TTC33: variants seen among roughly 807,000 people sequenced by gnomAD.
TTC33 encodes tetratricopeptide repeat protein 33.
In TTC33, 24 loss-of-function variants were observed where a neutral mutation model predicts 29.4. The observed-to-expected ratio is 0.82, with a 90% CI of 0.59 to 1.15. The LOEUF is 1.15. Ranked by LOEUF, TTC33 falls within the 50% of genes most tolerant of loss-of-function variation. The probability of loss-of-function intolerance (pLI) is 0.00; values close to 1 mark genes in which losing one functional copy is unlikely to be tolerated. For synonymous variants in TTC33, 107 were observed against 100.3 expected, an observed-to-expected ratio of 1.07 and a Z score of -0.40; for missense variants, 286 against 310.4, an observed-to-expected ratio of 0.92 and a Z score of 0.59.
At chr5:40,731,595 A>G (rs916491805) in intron 2 of TTC33, among the ~76,000 whole-genome samples, 1 of 152,214 alleles carries the variant, frequency 6.6e-6, no homozygotes, top group Non-Finnish European at 1.5e-5. Context: ...TTATAAATCC[A>G]TAAGATCTCG....
chr5:40,729,353 C>T (rs751147780), intron 3 of TTC33, among the ~76,000 whole-genome samples: 2 of 152,152 alleles, frequency 1.3e-5, no homozygotes, highest in African/African-American at 2.4e-5. Flanking sequence ...GGCTGAATTG[C>T]AACAATTCCC....
At position 40,711,958 on chromosome 5, in the gene TTC33, G is replaced by A. The variant is rs1561139607; in HGVS notation, c.*4187C>T. Reference sequence around the variant, plus strand: ...CAAAAGGGCTTTAGAGAACTTTTTGGGTGATGGACACACACTATATCAGGA... The same window carrying A: ...CAAAAGGGCTTTAGAGAACTTTTTGAGTGATGGACACACACTATATCAGGA... On this transcript the variant is annotated 3_prime_UTR_variant, in exon 5 of 5. Coordinates refer to ENST00000337702, the MANE Select transcript of TTC33 (RefSeq NM_012382.3). Among the ~76,000 whole-genome samples the A allele has an allele frequency of 6.6e-6, 1 of 152,074 alleles. No homozygotes were observed. Among genetic ancestry groups the A allele is most frequent in the African/African-American group, 2.4e-5 (1 of 41,412 alleles).
Position 40,746,810 on chromosome 5 carries a change from G to T in TTC33, c.209C>A (p.Ala70Asp). Reference protein sequence around the residue: ...KQLKDEGASLAENKRYREAIQ... With the variant: ...KQLKDEGASLDENKRYREAIQ... ...TTTAAATACATACCTTTTATTTTCA[G>T]CCAAACTGGCTCCTTCATCCTTCAG... Residue 70 changes from alanine (A) to aspartate (D), a missense_variant, in exon 2 of 5, where the codon GCT becomes GAT. Coordinates refer to ENST00000337702, the MANE Select transcript of TTC33 (RefSeq NM_012382.3). 2 of 1,609,542 alleles carry T rather than the reference G, an allele frequency of 1.2e-6. No homozygotes were observed. Among genetic ancestry groups the T allele is most frequent in the East Asian group, 2.2e-5 (1 of 44,846 alleles).
intron 2 of TTC33, among the ~76,000 whole-genome samples, chr5:40,735,408 C>T (rs984407944): frequency 2.6e-5 from 4 of 152,058 alleles, no homozygotes; most frequent in African/African-American, 9.7e-5. Flanking sequence ...TTACAACACA[C>T]TGAAAATGTA....
chr5:40,725,220 C>A (rs1451296979), intron 4 of TTC33, among the ~76,000 whole-genome samples: 1 of 150,958 alleles, frequency 6.6e-6, no homozygotes, highest in Non-Finnish European at 1.5e-5. Context: ...CTCCTGGCCT[C>A]AAGCAATCCT....
chr5:40,743,930 G>A (rs908749973), intron 2 of TTC33, among the ~76,000 whole-genome samples: 22 of 152,084 alleles, frequency 1.4e-4, no homozygotes, highest in African/African-American at 3.1e-4. Flanking sequence ...TCAATGTTTC[G>A]ACATACAGGC....
intron 1 of TTC33, among the ~76,000 whole-genome samples, chr5:40,748,475 C>T (rs1412818839): frequency 6.6e-6 from 1 of 152,142 alleles, no homozygotes; most frequent in African/African-American, 2.4e-5. Flanking sequence ...GGATTACAGG[C>T]GTGAGCCACC....
chr5:40,722,580 C>G (rs1007431471), intron 4 of TTC33, among the ~76,000 whole-genome samples: 5 of 151,460 alleles, frequency 3.3e-5, no homozygotes, highest in African/African-American at 4.9e-5. Context: ...AACTGAGGAG[C>G]GTCTCTGACC....
chr5:40,733,903 GACAT>G (rs1434049224), intron 2 of TTC33, among the ~76,000 whole-genome samples: 1 of 152,012 alleles, frequency 6.6e-6, no homozygotes, highest in Non-Finnish European at 1.5e-5. Flanking sequence ...CATACAAACA[GACAT>G]ACACACACAC....
chr5:40,749,834 A>G (rs1579693630), intron 1 of TTC33, among the ~76,000 whole-genome samples: 1 of 152,234 alleles, frequency 6.6e-6, no homozygotes, highest in East Asian at 1.9e-4. Context: ...TCACGCCTGT[A>G]ATCCCAGCAC....
intron 1 of TTC33, among the ~76,000 whole-genome samples, chr5:40,753,863 G>C (rs918283606): frequency 1.3e-5 from 2 of 151,764 alleles, no homozygotes; most frequent in Non-Finnish European, 2.9e-5. Flanking sequence ...AGGACACCTA[G>C]TGTGTTTACT....
chr5:40,753,076 A>G (rs376268092), intron 1 of TTC33, among the ~76,000 whole-genome samples: 3 of 152,182 alleles, frequency 2.0e-5, no homozygotes, highest in Admixed American at 6.5e-5. Context: ...CAATCAAGAA[A>G]TATACAGGCT....
intron 2 of TTC33, among the ~76,000 whole-genome samples, chr5:40,739,741 T>G (rs2111918395): frequency 6.6e-6 from 1 of 152,318 alleles, no homozygotes; most frequent in Admixed American, 6.5e-5. Context: ...GTTTTTTTCA[T>G]AAATTATCCA....
At chr5:40,742,637 G>A (rs950424217) in intron 2 of TTC33, among the ~76,000 whole-genome samples, 3 of 152,116 alleles carry the variant, frequency 2.0e-5, no homozygotes, top group African/African-American at 7.2e-5. Context: ...AGGGGAATGG[G>A]AAGAGTAAGG....
chr5:40,749,916 C>T (rs1053753225), intron 1 of TTC33, among the ~76,000 whole-genome samples: 2 of 151,736 alleles, frequency 1.3e-5, no homozygotes, highest in Non-Finnish European at 2.9e-5. Flanking sequence ...GGTGAAACCC[C>T]GTCTCTACTA....
intron 1 of TTC33, among the ~76,000 whole-genome samples, chr5:40,747,404 G>A (rs978477159): frequency 3.3e-5 from 5 of 152,064 alleles, no homozygotes; most frequent in Non-Finnish European, 7.4e-5. Flanking sequence ...AGGTAAAGAG[G>A]AAATAACAGG....
chr5:40,725,872 G>A (rs1026367786), intron 4 of TTC33, among the ~76,000 whole-genome samples: 6 of 143,302 alleles, frequency 4.2e-5, no homozygotes, highest in African/African-American at 7.8e-5. Flanking sequence ...TGCAAGCTCC[G>A]CCTCCCAGGT....
chr5:40,738,494 C>CAATAAAATAA (rs1561151159), intron 2 of TTC33, among the ~76,000 whole-genome samples: 20 of 87,752 alleles, frequency 2.3e-4, no homozygotes, highest in African/African-American at 8.7e-4. Context: ...CAATACAATA[C>CAATAAAATAA]AATACAATAC....
At chr5:40,733,763 A>G (rs563043653) in intron 2 of TTC33, among the ~76,000 whole-genome samples, 1 of 152,300 alleles carries the variant, frequency 6.6e-6, no homozygotes, top group East Asian at 1.9e-4. Context: ...TCCCGTCCCC[A>G]ACCCCACAAA....
Sources: allele counts gnomAD v4.1 joint callset (sites outside exome capture counted in the v4.1 genomes callset), GRCh38; gene constraint gnomAD v4.1.1; transcripts MANE v1.5; gene names NCBI Gene and HGNC (gene_info 2026-07-23, HGNC 2026-07-21).